POLM: variants seen among roughly 807,000 people sequenced by gnomAD.
POLM encodes the protein DNA-directed DNA/RNA polymerase mu.
In POLM, 52 loss-of-function variants were observed where a neutral mutation model predicts 56.7. The ratio of observed to expected loss-of-function variants is 0.92; its 90% CI spans 0.73 to 1.15. The LOEUF (loss-of-function observed/expected upper bound fraction) is 1.15, where lower values mean the gene tolerates loss of function less well. POLM is among the 50% of genes most tolerant of loss of function. The pLI, the probability that POLM is intolerant of heterozygous loss-of-function variation, is 0.00. For synonymous variants in POLM, 273 were observed against 274.3 expected (o/e 1.00, Z 0.05); for missense variants, 660 against 663.6 (o/e 0.99, Z 0.06).
chr7:44,074,187 T>C lies in POLM; in HGVS notation c.1015A>G (p.Lys339Glu). 6.2e-7 allele frequency: 1 copy of C among 1,600,256 alleles called. No homozygotes were observed. Among genetic ancestry groups the C allele is most frequent in the Admixed American group, 1.7e-5 (1 of 57,554 alleles). Residue 339 changes from lysine (K) to glutamate (E), a missense_variant, in exon 8 of 11, where the codon AAG (lysine) becomes GAG (glutamate). By Grantham distance (56) the Lys-to-Glu change is moderately conservative (BLOSUM62 1). Coordinates refer to ENST00000242248, the MANE Select transcript of POLM (RefSeq NM_013284.4). Reference sequence around the variant, plus strand: ...AGCAGCCCCGCCTCCTGACCCTCCTTGGGGTGGGTGATGAGGAAGTCCACG... The same window carrying C: ...AGCAGCCCCGCCTCCTGACCCTCCTCGGGGTGGGTGATGAGGAAGTCCACG... The part of the protein sequence containing the change: ...HDVDFLITHP[K>E]EGQEAGLLPR...
rs1410040667 is a variant in POLM at position 44,079,620 on chromosome 7, TG to T, written c.592del (p.Gln198SerfsTer40). 23 of 1,613,374 alleles carry T rather than the reference TG, an allele frequency of 1.4e-5. No individual in the cohort carries two copies. Among genetic ancestry groups the T allele is most frequent in the Non-Finnish European group, 1.9e-5 (23 of 1,179,774 alleles). Reference protein sequence around the residue: ...ALPSPVTTLSQLQGLPHFGEH... With the variant: ...ALPSPVTTLSXLQGLPHFGEH... ...TCCAAAGTGGGGAAGCCCCTGCAGC[TG>T]GCTCAGGGTTGTGACAGGGCTGGGA... On this transcript the variant is annotated frameshift_variant, in exon 4 of 11. Transcript: ENST00000242248. LOFTEE classifies it high-confidence loss of function.
chr7:44,079,540 CACT>C, intron 4 of POLM, 28 bp downstream of exon 4: 3 of 1,504,310 alleles, frequency 2.0e-6, no homozygotes, highest in Non-Finnish European at 1.8e-6. Context: ...CCCACCCACC[CACT>C]CACCCTGCTA....
In POLM at chr7:44,074,012, T is replaced by C; in HGVS notation, c.1085A>G (p.Tyr362Cys). ...ACAGCAGCTGTGCTGGTGCTGGTGG[T>C]ACAGGATGAGGCCCTGTGGGGAGAG... ...CRLQDQGLIL[Y>C]HQHQHSCCES... The change falls in exon 9 of 11, where the codon TAC (tyrosine) becomes TGC (cysteine). Residue 362 changes from tyrosine (Y) to cysteine (C), a missense_variant. Physicochemically the swap from Tyr to Cys is radical, Grantham distance 194 (BLOSUM62 -2). Transcript: ENST00000242248. 1.2e-6 allele frequency: 2 copies of C among 1,613,968 alleles called. No homozygotes were observed. The highest frequency in any genetic ancestry group is 2.2e-5 in the South Asian group (2 of 91,084).
rs1366554727 is a variant in POLM, at chr7:44,072,246, C to G, written c.*1045G>C. The G allele has an allele frequency of 6.6e-6, 1 of 152,214 alleles. No individual in the cohort carries two copies. Among genetic ancestry groups the G allele is most frequent in the Non-Finnish European group, 1.5e-5 (1 of 68,036 alleles). 9.4% of individuals were successfully genotyped at this position (152,214 alleles called of 1,614,324 possible). On this transcript the variant is annotated 3_prime_UTR_variant, in exon 11 of 11. Coordinates refer to ENST00000242248, the MANE Select transcript of POLM (RefSeq NM_013284.4). ...GCAAAAACTGCACCCCAAGAGTCAA[C>G]TTTACTGCATGTTTTCAAAATATTT...
chr7:44,080,373 G>A (rs1283964975), intron 2 of POLM: 1 of 547,690 alleles, frequency 1.8e-6, no homozygotes, highest in Non-Finnish European at 3.5e-6. Context: ...ACCTGTCAGA[G>A]GCCGGGAGCC....
At chr7:44,079,480 T>C in intron 4 of POLM, 91 bp downstream of exon 4, 1 of 1,277,820 alleles carries the variant, frequency 7.8e-7, no homozygotes, top group Non-Finnish European at 1.1e-6. Context: ...CTGTCTGTCC[T>C]CACCCACCCC....
Position 44,073,650 on chromosome 7 carries a change from C to T in POLM, c.1373G>A (p.Ser458Asn), listed in dbSNP as rs1304429513. ...CTGCTCCGGGTCAAACAGCCCATGGCTGTTCAGCCACAGGCCCTTCTCCTT... is the reference window on the plus strand; with the variant it reads ...CTGCTCCGGGTCAAACAGCCCATGGTTGTTCAGCCACAGGCCCTTCTCCTT... ...SRKEKGLWLN[S>N]HGLFDPEQKT... is the part of the protein sequence containing the mutation. Residue 458 changes from serine (S) to asparagine (N), a missense_variant, in exon 10 of 11, where the codon AGC becomes AAC. Ser to Asn is a conservative substitution (Grantham distance 46, BLOSUM62 1). Coordinates refer to ENST00000242248, the MANE Select transcript of POLM (RefSeq NM_013284.4). The T allele has an allele frequency of 1.2e-5, 19 of 1,614,076 alleles. No homozygotes were observed. The highest frequency in any genetic ancestry group is 2.7e-5 in the African/African-American group (2 of 74,936).
intron 2 of POLM, 72 bp downstream of exon 2, chr7:44,080,661 T>C: frequency 6.8e-7 from 1 of 1,467,752 alleles, no homozygotes; most frequent in Non-Finnish European, 9.5e-7. Context: ...CCATGTCACC[T>C]GTCCCAGCTG....
At chr7:44,076,330 T>C in intron 6 of POLM, 179 bp downstream of exon 6, 1 of 668,518 alleles carries the variant, frequency 1.5e-6, no homozygotes. Context: ...CATCGTCCAC[T>C]GAGAAAAGGC....
In POLM at chr7:44,080,102, C is replaced by T. The variant is rs968752250; in HGVS notation, c.373-143G>A. 58 of 665,054 alleles carry T rather than the reference C, an allele frequency of 8.7e-5. 1 individual carries two copies. Among genetic ancestry groups the T allele is most frequent in the Admixed American group, 3.3e-4 (15 of 46,052 alleles). The allele number at this position is 665,054 out of a possible 1,614,324, so 41.2% of individuals were successfully genotyped here. ...ACAGAGGTGGGCAACAAAACACCAG[C>T]GGCATGAGGCTGAGGGAGGCACCGC... On this transcript the variant is annotated intron_variant, in intron 2 of 10. Transcript: ENST00000242248.
At chr7:44,081,986 C>G (rs983010537) in intron 1 of POLM, among the ~76,000 whole-genome samples, 3 of 152,172 alleles carry the variant, frequency 2.0e-5, no homozygotes, top group South Asian at 2.1e-4. Flanking sequence ...ACCTCGTGAT[C>G]TGCCCGCCTC....
At chr7:44,077,857 T>C in intron 5 of POLM, among the ~76,000 whole-genome samples, 1 of 152,196 alleles carries the variant, frequency 6.6e-6, no homozygotes, top group Admixed American at 6.5e-5. Context: ...CTGACAGTTA[T>C]CCATGTGGCC....
Position 44,073,397 on chromosome 7 carries a change from T to TGGGGATGCTGAGG in POLM, c.1399-21_1399-20insCCTCAGCATCCCC, listed in dbSNP as rs756851480. On this transcript the variant is annotated intron_variant, in intron 10 of 10. Coordinates refer to ENST00000242248, the MANE Select transcript of POLM (RefSeq NM_013284.4). ...TGTCTTCTGCAACAGAAGCAGGACT[T>TGGGGATGCTGAGG]CCGTGACCTAGGAGTCTTGCCACTG... 1 of 1,612,550 alleles carries TGGGGATGCTGAGG rather than the reference T, an allele frequency of 6.2e-7. No individual in the cohort carries two copies. The highest frequency in any genetic ancestry group is 1.1e-5 in the South Asian group (1 of 90,904).
intron 4 of POLM, 123 bp from the exon 5 acceptor site, chr7:44,078,934 G>C: frequency 1.4e-6 from 1 of 722,464 alleles, no homozygotes; most frequent in Non-Finnish European, 2.3e-6. Flanking sequence ...ACCCGGCAGA[G>C]ACAACTTTGT....
In POLM at chr7:44,074,070, A is replaced by G. The variant is rs571255149; in HGVS notation, c.1072-45T>C. ...TGGCTGAGACCATCCGGTGGTGTGG[A>G]GAGAGCAGGAGGCAGTGGCATTGGC... On this transcript the variant is annotated intron_variant, in intron 8 of 10. Coordinates refer to ENST00000242248, the MANE Select transcript of POLM (RefSeq NM_013284.4). 4.4e-5 allele frequency: 71 copies of G among 1,608,138 alleles called. 1 individual carries two copies. The East Asian group carries it at 9.6e-4, about 22-fold the overall frequency.
At position 44,082,349 on chromosome 7, in the gene POLM, G is replaced by T. The variant is rs1424334352; in HGVS notation, c.90C>A (p.Val30=). 1.5e-5 allele frequency: 23 copies of T among 1,558,198 alleles called. No homozygotes were observed. Among genetic ancestry groups the T allele is most frequent in the Admixed American group, 1.9e-5 (1 of 52,910 alleles). ...TGCGAGGCTCGACCAGGTAGATGGC[G>T]ACTCCCGGGAAGCGCGTCGAGGGCG... ...STPPSTRFPG[V]AIYLVEPRMG... The change falls in exon 1 of 11, where the codon GTC becomes GTA. Residue 30 remains valine (V), a synonymous_variant. Transcript: ENST00000242248.
intron 2 of POLM, 70 bp from the exon 3 acceptor site, chr7:44,080,029 C>T (rs960306218): frequency 8.6e-7 from 1 of 1,158,248 alleles, no homozygotes; most frequent in Non-Finnish European, 1.3e-6. Flanking sequence ...CGTACTCAGG[C>T]TTTGTTTCTC....
chr7:44,081,405 A>G (rs2096199445), intron 1 of POLM, among the ~76,000 whole-genome samples: 1 of 152,150 alleles, frequency 6.6e-6, no homozygotes, highest in Admixed American at 6.5e-5. Flanking sequence ...TGCCTTGTAC[A>G]CTCTAAGCTG....
chr7:44,080,057 G>T, intron 2 of POLM, 98 bp from the exon 3 acceptor site: 1 of 855,060 alleles, frequency 1.2e-6, no homozygotes, highest in Non-Finnish European at 1.9e-6. Flanking sequence ...GTCCAACTCG[G>T]GCCCTCTGGA....
Sources: gnomAD v4.1 joint callset for allele counts (sites outside exome capture counted in the v4.1 genomes callset) on GRCh38, gnomAD v4.1.1 for gene constraint, MANE v1.5 for transcripts, NCBI Gene and HGNC (gene_info 2026-07-23, HGNC 2026-07-21) for gene names.